The following PACRG variants were observed in gnomAD, a reference collection of about 807,000 sequenced individuals.
The protein encoded by PACRG is parkin coregulated gene protein.
Under a neutral mutation model 29.7 loss-of-function variants are expected in PACRG, and 29 were observed. The ratio of observed to expected loss-of-function variants is 0.98; its 90% CI spans 0.73 to 1.33. The LOEUF (loss-of-function observed/expected upper bound fraction) is 1.33. Ranked by LOEUF, PACRG falls within the 40% of genes most tolerant of loss-of-function variation. The pLI is 0.00. For synonymous variants in PACRG, 116 were observed against 118.7 expected, an observed-to-expected ratio of 0.98 and a Z score of 0.15; for missense variants, 279 against 316.2, an observed-to-expected ratio of 0.88 and a Z score of 0.89.
chr6:163,168,629 C>T (rs1184229735), intron 4 of PACRG, among the ~76,000 whole-genome samples: 2 of 152,188 alleles, frequency 1.3e-5, no homozygotes, highest in African/African-American at 4.8e-5. Flanking sequence ...TTTGGCCCAA[C>T]TGTATGTAAT....
intron 4 of PACRG, among the ~76,000 whole-genome samples, chr6:163,208,685 T>C (rs1585333837): frequency 1.3e-5 from 2 of 152,290 alleles, no homozygotes; most frequent in Middle Eastern, 3.4e-3. Flanking sequence ...CCAAGATATA[T>C]CTTCTTTGCA....
At chr6:163,122,360 T>C (rs1585240992) in intron 4 of PACRG, among the ~76,000 whole-genome samples, 1 of 152,126 alleles carries the variant, frequency 6.6e-6, no homozygotes, top group South Asian at 2.1e-4. Context: ...AGTTGGTTTG[T>C]GTGACCCCTC....
At chr6:162,832,609 T>C (rs1788877823) in intron 2 of PACRG, among the ~76,000 whole-genome samples, 1 of 152,172 alleles carries the variant, frequency 6.6e-6, no homozygotes. Flanking sequence ...TCTGCTGGGA[T>C]TTGCTGTGTA....
chr6:162,791,298 AGTTT>A (rs1191544392), intron 1 of PACRG, among the ~76,000 whole-genome samples: 2 of 111,172 alleles, frequency 1.8e-5, no homozygotes, highest in African/African-American at 3.7e-5. Context: ...TCTGACTCCT[AGTTT>A]GTTTGTTTGT....
rs1193063194 is a variant in PACRG, at chr6:162,821,330, A to G, written c.291+7049A>G. On this transcript the variant is annotated intron_variant, in intron 2 of 4. Transcript: ENST00000366888. ...AAGTCAACTGATTTATAACTCCTGG[A>G]AAGTGTATAGATTGAAAAGAAAGGT... Among the ~76,000 whole-genome samples the G allele has an allele frequency of 3.9e-5, 6 of 152,100 alleles. 1 individual carries two copies. The highest frequency in any genetic ancestry group is 2.6e-4 in the Admixed American group (4 of 15,288).
At chr6:162,817,216 C>G (rs1787435376) in intron 2 of PACRG, among the ~76,000 whole-genome samples, 1 of 152,220 alleles carries the variant, frequency 6.6e-6, no homozygotes, top group Non-Finnish European at 1.5e-5. Flanking sequence ...GATCCCTCCC[C>G]AGGTCCTCAG....
chr6:162,959,057 G>A (rs1338937617), intron 2 of PACRG, among the ~76,000 whole-genome samples: 1 of 149,484 alleles, frequency 6.7e-6, no homozygotes, highest in Non-Finnish European at 1.5e-5. Flanking sequence ...GAGACTACAG[G>A]TGCACGACAC....
chr6:162,989,883 C>T (rs994515764), intron 2 of PACRG, among the ~76,000 whole-genome samples: 7 of 151,996 alleles, frequency 4.6e-5, no homozygotes, highest in African/African-American at 7.3e-5. Context: ...TGCTATCCCT[C>T]CCCGCTCCCC....
At chr6:163,186,019 A>G (rs1396014891) in intron 4 of PACRG, among the ~76,000 whole-genome samples, 1 of 152,144 alleles carries the variant, frequency 6.6e-6, no homozygotes, top group Non-Finnish European at 1.5e-5. Context: ...TCCAGCCTAT[A>G]TGTCACAGGG....
intron 2 of PACRG, among the ~76,000 whole-genome samples, chr6:162,871,980 A>G (rs1437540710): frequency 6.6e-6 from 1 of 152,220 alleles, no homozygotes; most frequent in African/African-American, 2.4e-5. Flanking sequence ...TTCTCAATAG[A>G]ATATTTTAAA....
chr6:163,102,655 A>G (rs946467513), intron 4 of PACRG, among the ~76,000 whole-genome samples: 2 of 152,228 alleles, frequency 1.3e-5, no homozygotes, highest in Non-Finnish European at 2.9e-5. Context: ...TATCTTGCTT[A>G]TAAACCCAAC....
chr6:163,110,276 A>T (rs979375444), intron 4 of PACRG, among the ~76,000 whole-genome samples: 3 of 152,196 alleles, frequency 2.0e-5, no homozygotes, highest in Admixed American at 6.5e-5. Flanking sequence ...TCTGACACAC[A>T]TGCCATAGAA....
intron 1 of PACRG, among the ~76,000 whole-genome samples, chr6:162,742,266 G>A (rs368787340): frequency 6.6e-6 from 1 of 152,218 alleles, no homozygotes. Context: ...TACTATTCTC[G>A]TGGTAGTGAA....
rs200270873 is a variant in PACRG, at chr6:162,958,884, T to TAGAGAGAG, written c.292-103218_292-103211dup. Among the ~76,000 whole-genome samples the TAGAGAGAG allele has an allele frequency of 6.1e-4, 13 of 21,166 alleles. 1 individual carries two copies. The highest frequency in any genetic ancestry group is 2.1e-3 in the South Asian group (1 of 478). 13.9% of individuals were successfully genotyped at this position (21,166 alleles called of 152,430 possible). A position where few individuals can be genotyped will look rare whatever the true frequency, so the allele number is the denominator to read the frequency against. On this transcript the variant is annotated intron_variant, in intron 2 of 4. Transcript: ENST00000366888. ...ATATATATATATATATATATATATA[T>TAGAGAGAG]AGAGAGAGAGAGAGAGAGAGAGAGA...
intron 2 of PACRG, among the ~76,000 whole-genome samples, chr6:163,033,722 C>T (rs1807887973): frequency 6.6e-6 from 1 of 152,152 alleles, no homozygotes; most frequent in Non-Finnish European, 1.5e-5. Flanking sequence ...ATCCTGAACC[C>T]AGGCCACCAT....
At chr6:162,732,678 G>A (rs568348113) in intron 1 of PACRG, among the ~76,000 whole-genome samples, 1 of 152,300 alleles carries the variant, frequency 6.6e-6, no homozygotes, top group South Asian at 2.1e-4. Context: ...AAGTGGCGAT[G>A]AACTAATGGG....
At chr6:163,085,385 A>C (rs1380164316) in intron 3 of PACRG, among the ~76,000 whole-genome samples, 1 of 152,118 alleles carries the variant, frequency 6.6e-6, no homozygotes, top group Non-Finnish European at 1.5e-5. Flanking sequence ...CCAGGATCTC[A>C]AACATCTGAT....
chr6:162,824,245 G>C (rs1788087998), intron 2 of PACRG, among the ~76,000 whole-genome samples: 1 of 152,108 alleles, frequency 6.6e-6, no homozygotes, highest in South Asian at 2.1e-4. Flanking sequence ...CTACTTCAAG[G>C]TAGCAGGCTG....
intron 4 of PACRG, among the ~76,000 whole-genome samples, chr6:163,135,837 A>C (rs1184076295): frequency 6.6e-6 from 1 of 152,236 alleles, no homozygotes; most frequent in Non-Finnish European, 1.5e-5. Flanking sequence ...TGTTAAACAC[A>C]GAAGTGCAAG....
Sources: gnomAD v4.1 joint callset for allele counts (sites outside exome capture counted in the v4.1 genomes callset) on GRCh38, gnomAD v4.1.1 for gene constraint, MANE v1.5 for transcripts, NCBI Gene and HGNC (gene_info 2026-07-23, HGNC 2026-07-21) for gene names.